MYH13: variants seen among roughly 807,000 people sequenced by gnomAD.
MYH13 encodes myosin heavy chain 13, also known as myosin-13.
Under a neutral mutation model 232.1 loss-of-function variants are expected in MYH13, and 177 were observed. The ratio of observed to expected loss-of-function variants is 0.76; its 90% CI spans 0.67 to 0.86. MYH13 has a LOEUF of 0.86. Among genes scored for constraint, MYH13 ranks in the 40% least tolerant of loss-of-function variants. The probability of loss-of-function intolerance (pLI) is 0.00; values close to 1 mark genes in which losing one functional copy is unlikely to be tolerated. For synonymous variants in MYH13, 884 were observed against 923.5 expected (o/e 0.96, Z 0.78); for missense variants, 2,246 against 2,405.9 (o/e 0.93, Z 1.39).
Position 10,311,974 on chromosome 17 carries a change from T to A in MYH13, c.4468A>T (p.Asn1490Tyr). 4 of 1,614,026 alleles carry A rather than the reference T, an allele frequency of 2.5e-6. No individual in the cohort carries two copies. Among genetic ancestry groups the A allele is most frequent in the Non-Finnish European group, 3.4e-6 (4 of 1,179,888 alleles). The change falls in exon 32 of 41, where the codon AAT (asparagine) becomes TAT (tyrosine). Residue 1490 changes from asparagine to tyrosine, a missense_variant. Asn to Tyr is a moderately radical substitution (Grantham distance 143, BLOSUM62 -2). Transcript: ENST00000252172. ...TGGTCCACCACCTCCTCATAGGCATTCCTCATCTTGAAGAGTTCAGTGCTG... is the reference window on the plus strand; with the variant it reads ...TGGTCCACCACCTCCTCATAGGCATACCTCATCTTGAAGAGTTCAGTGCTG... ...SLSTELFKMR[N>Y]AYEEVVDQLE... is the part of the protein sequence containing the mutation.
chr17:10,312,028 C>T lies in MYH13; in HGVS notation c.4414G>A (p.Glu1472Lys). The change falls in exon 32 of 41, where the codon GAA (glutamate) becomes AAA (lysine). Residue 1472 changes from glutamate to lysine, a missense_variant. Coordinates refer to ENST00000252172, the MANE Select transcript of MYH13 (RefSeq NM_003802.3). Reference sequence around the variant, plus strand: ...GACCTGGACTCCTTCTGAGCAGCTTCCAACTCAGCCTGGCTTTCGTCCAGC... The same window carrying T: ...GACCTGGACTCCTTCTGAGCAGCTTTCAACTCAGCCTGGCTTTCGTCCAGC... Reference protein sequence around the residue: ...QKLDESQAELEAAQKESRSLS... With the variant: ...QKLDESQAELKAAQKESRSLS... The T allele has an allele frequency of 1.2e-6, 2 of 1,614,006 alleles. No individual in the cohort carries two copies. Among genetic ancestry groups the T allele is most frequent in the South Asian group, 2.2e-5 (2 of 91,080 alleles).
chr17:10,333,840 G>A (rs540621886), intron 18 of MYH13, among the ~76,000 whole-genome samples: 19 of 152,126 alleles, frequency 1.2e-4, no homozygotes, highest in South Asian at 4.2e-4. Context: ...CACAGGAGGC[G>A]GGGGTTGCAG....
rs1567655717 is a variant in MYH13 at position 10,309,399 on chromosome 17, A to G, written c.5004T>C (p.Asn1668=). ...TGGCCAGCTGCTCCTTGAGGTCCTC[A>G]TTGCTCCTCAGGGCGTCATCGAGAT... The part of the protein sequence containing the change: ...QLHLDDALRS[N]EDLKEQLAIV... Residue 1668 remains asparagine, a synonymous_variant, in exon 35 of 41, where the codon AAT becomes AAC. Transcript: ENST00000252172. 1 of 1,610,084 alleles carries G rather than the reference A, an allele frequency of 6.2e-7. No homozygotes were observed. The highest frequency in any genetic ancestry group is 8.5e-7 in the Non-Finnish European group (1 of 1,178,206).
chr17:10,362,591 T>A lies in MYH13; in HGVS notation c.205-88A>T, dbSNP rs999453171. ...CTGGTGTGGTGGAAGTAGTGAGATATTGTGGAGGAATTACCGCATTGTGAT... is the reference window on the plus strand; with the variant it reads ...CTGGTGTGGTGGAAGTAGTGAGATAATGTGGAGGAATTACCGCATTGTGAT... On this transcript the variant is annotated intron_variant, in intron 3 of 40. Coordinates refer to ENST00000252172, the MANE Select transcript of MYH13 (RefSeq NM_003802.3). 6.5e-6 allele frequency: 10 copies of A among 1,540,216 alleles called. No individual in the cohort carries two copies. The Admixed American group carries it at 1.2e-4, about 18-fold the overall frequency.
chr17:10,361,513 C>T (rs1048531117), intron 5 of MYH13, among the ~76,000 whole-genome samples: 4 of 152,176 alleles, frequency 2.6e-5, no homozygotes, highest in South Asian at 2.1e-4. Context: ...AGGCTGGCCC[C>T]GAACTCCTGA....
intron 18 of MYH13, among the ~76,000 whole-genome samples, chr17:10,333,989 A>C (rs1161220512): frequency 6.6e-6 from 1 of 151,946 alleles, no homozygotes; most frequent in African/African-American, 2.4e-5. Context: ...CTGACCACTC[A>C]GCCCCTGCTA....
chr17:10,366,507 A>G (rs2071839455), intron 2 of MYH13, among the ~76,000 whole-genome samples: 1 of 147,832 alleles, frequency 6.8e-6, no homozygotes, highest in African/African-American at 2.5e-5. Flanking sequence ...CAGTCTCTTG[A>G]GTAGTTGGGA....
At chr17:10,334,927 C>T (rs563808368) in intron 18 of MYH13, among the ~76,000 whole-genome samples, 10 of 151,664 alleles carry the variant, frequency 6.6e-5, no homozygotes, top group Admixed American at 1.3e-4. Context: ...ATTCATAGAA[C>T]CGCCGATGTG....
chr17:10,328,037 G>A lies in MYH13; in HGVS notation c.2520C>T (p.Ile840=). ...HWPWMNLFFK[I]KPLLKSAEAE... ...CCTCTGCACTCTTCAGCAGGGGCTT[G>A]ATTTTGAAGAACAGGTTCATCCAGG... Residue 840 remains isoleucine, a synonymous_variant, in exon 22 of 41, where the codon ATC becomes ATT. Coordinates refer to ENST00000252172, the MANE Select transcript of MYH13 (RefSeq NM_003802.3). 6.2e-7 allele frequency: 1 copy of A among 1,614,158 alleles called. No individual in the cohort carries two copies. The highest frequency in any genetic ancestry group is 8.5e-7 in the Non-Finnish European group (1 of 1,180,026).
intron 19 of MYH13, 36 bp downstream of exon 19, chr17:10,333,038 G>C (rs1470098394): frequency 2.0e-6 from 3 of 1,464,408 alleles, no homozygotes. Context: ...AGGTGCCCTC[G>C]GAAGGAGAGA....
At chr17:10,351,699 C>G (rs59973473) in intron 11 of MYH13, among the ~76,000 whole-genome samples, 1 of 152,052 alleles carries the variant, frequency 6.6e-6, no homozygotes, top group Non-Finnish European at 1.5e-5. Context: ...GGTCTTGGTC[C>G]CTTCAAAACC....
chr17:10,368,786 T>A (rs1178955157), intron 2 of MYH13, among the ~76,000 whole-genome samples: 1 of 152,216 alleles, frequency 6.6e-6, no homozygotes, highest in Admixed American at 6.5e-5. Flanking sequence ...CCCTATTGCA[T>A]AAGGGAATCC....
intron 8 of MYH13, 30 bp from the exon 9 acceptor site, chr17:10,355,177 G>T: frequency 6.4e-7 from 1 of 1,553,102 alleles, no homozygotes; most frequent in Non-Finnish European, 8.7e-7. Context: ...CAAATGTTAC[G>T]GTTATTTGAT....
In MYH13 at chr17:10,354,977, G is replaced by A; in HGVS notation, c.819C>T (p.Ser273=). ...ADIETYLLEK[S]RVTFQLSSER... The stretch of plus-strand genomic sequence containing the variant: ...CACTGGATAATTGAAACGTCACTCT[G>A]GATTTTTCTAACAGATCTAAGGTAA... Residue 273 remains serine (S), a synonymous_variant, in exon 10 of 41, where the codon TCC becomes TCT. Coordinates refer to ENST00000252172, the MANE Select transcript of MYH13 (RefSeq NM_003802.3). 1 of 1,609,966 alleles carries A rather than the reference G, an allele frequency of 6.2e-7. No homozygotes were observed. Among genetic ancestry groups the A allele is most frequent in the Non-Finnish European group, 8.5e-7 (1 of 1,176,374 alleles).
chr17:10,303,425 T>A lies in MYH13; in HGVS notation c.5540A>T (p.Tyr1847Phe), dbSNP rs781531789. The change falls in exon 38 of 41, where the codon TAC (tyrosine) becomes TTC (phenylalanine). Residue 1847 changes from tyrosine (Y) to phenylalanine (F), a missense_variant. Coordinates refer to ENST00000252172, the MANE Select transcript of MYH13 (RefSeq NM_003802.3). ...AGTCATCTCCTTGACTTTGCGTTCG[T>A]ACTTGTGGGCTCCCTTCAGGGCTTC... ...GAEALKGAHKYERKVKEMTYQ... is the reference protein window; with the variant it reads ...GAEALKGAHKFERKVKEMTYQ... 1 of 1,613,982 alleles carries A rather than the reference T, an allele frequency of 6.2e-7. No homozygotes were observed. The highest frequency in any genetic ancestry group is 8.5e-7 in the Non-Finnish European group (1 of 1,179,878).
chr17:10,356,050 G>T (rs926090494), intron 8 of MYH13, among the ~76,000 whole-genome samples: 1 of 151,992 alleles, frequency 6.6e-6, no homozygotes, highest in Non-Finnish European at 1.5e-5. Context: ...AATTTCATAT[G>T]CGTGTTTGTG....
intron 23 of MYH13, among the ~76,000 whole-genome samples, chr17:10,323,291 C>T: frequency 6.6e-6 from 1 of 152,206 alleles, no homozygotes; most frequent in Non-Finnish European, 1.5e-5. Flanking sequence ...GGTACCCGCT[C>T]CTCTCAGTCA....
chr17:10,305,495 G>T (rs1457769807), intron 37 of MYH13, among the ~76,000 whole-genome samples: 1 of 152,136 alleles, frequency 6.6e-6, no homozygotes, highest in African/African-American at 2.4e-5. Context: ...CATGTGCCTG[G>T]GGAGGATATC....
intron 21 of MYH13, among the ~76,000 whole-genome samples, chr17:10,329,368 C>T (rs1907334223): frequency 1.3e-5 from 2 of 152,132 alleles, no homozygotes; most frequent in South Asian, 2.1e-4. Flanking sequence ...TAATCCATGC[C>T]CTCCTCTCTC....
Sources: allele counts gnomAD v4.1 joint callset (sites outside exome capture counted in the v4.1 genomes callset), GRCh38; gene constraint gnomAD v4.1.1; transcripts MANE v1.5; gene names NCBI Gene and HGNC (gene_info 2026-07-23, HGNC 2026-07-21).